Variants in SCFD2 observed in about 807,000 individuals in gnomAD.
The protein encoded by SCFD2 is sec1 family domain containing 2, also known as sec1 family domain-containing protein 2.
A neutral mutation model predicts 58.9 loss-of-function variants in SCFD2; 54 were observed. That is an observed-to-expected ratio of 0.92 (90% CI 0.74 to 1.15). The LOEUF (loss-of-function observed/expected upper bound fraction) is 1.15, where lower values mean the gene tolerates loss of function less well. Ranked by LOEUF, SCFD2 falls within the 50% of genes most tolerant of loss-of-function variation. The probability of loss-of-function intolerance (pLI) is 0.00; values close to 1 mark genes in which losing one functional copy is unlikely to be tolerated. For synonymous variants in SCFD2, 321 were observed against 335.9 expected (o/e 0.96, Z 0.49); for missense variants, 805 against 836.6 (o/e 0.96, Z 0.47).
At chr4:52,922,091 G>A (rs1222117755) in intron 5 of SCFD2, among the ~76,000 whole-genome samples, 3 of 151,988 alleles carry the variant, frequency 2.0e-5, no homozygotes, top group Non-Finnish European at 4.4e-5. Flanking sequence ...ACTGTGCTTT[G>A]GGATATCTTT....
At chr4:53,320,262 A>G (rs1465942762) in intron 2 of SCFD2, among the ~76,000 whole-genome samples, 1 of 152,258 alleles carries the variant, frequency 6.6e-6, no homozygotes, top group Non-Finnish European at 1.5e-5. Flanking sequence ...TCTGTAAAAT[A>G]AAAGGCTTGA....
At chr4:52,916,080 C>A (rs962835846) in intron 6 of SCFD2, among the ~76,000 whole-genome samples, 5 of 152,210 alleles carry the variant, frequency 3.3e-5, no homozygotes, top group African/African-American at 1.2e-4. Flanking sequence ...AAGATGCATG[C>A]CAAGGCAAGC....
At chr4:53,110,765 G>T (rs1205458728) in intron 5 of SCFD2, among the ~76,000 whole-genome samples, 1 of 152,206 alleles carries the variant, frequency 6.6e-6, no homozygotes, top group Non-Finnish European at 1.5e-5. Flanking sequence ...GATCCATTGT[G>T]GAAGACAGTG....
intron 8 of SCFD2, among the ~76,000 whole-genome samples, chr4:52,882,592 C>T (rs143570919): frequency 3.1e-4 from 47 of 152,264 alleles, no homozygotes; most frequent in South Asian, 2.5e-3. Flanking sequence ...CCAGAATAAA[C>T]GCAGGCAGAA....
At chr4:53,214,839 A>T (rs1371294602) in intron 4 of SCFD2, among the ~76,000 whole-genome samples, 1 of 152,150 alleles carries the variant, frequency 6.6e-6, no homozygotes, top group African/African-American at 2.4e-5. Flanking sequence ...ATAAGATGTA[A>T]GGAAGGGATC....
At chr4:53,302,838 C>A (rs985480631) in intron 3 of SCFD2, among the ~76,000 whole-genome samples, 1 of 152,150 alleles carries the variant, frequency 6.6e-6, no homozygotes, top group African/African-American at 2.4e-5. Flanking sequence ...CTGACAAAAA[C>A]AAGCAATGGG....
intron 5 of SCFD2, among the ~76,000 whole-genome samples, chr4:53,078,590 T>C (rs1431010489): frequency 2.0e-5 from 3 of 152,198 alleles, no homozygotes; most frequent in Non-Finnish European, 4.4e-5. Context: ...AGTAATGTTC[T>C]AAGTGGTTCA....
At chr4:53,247,988 T>A (rs1401882861) in intron 4 of SCFD2, among the ~76,000 whole-genome samples, 5 of 152,100 alleles carry the variant, frequency 3.3e-5, no homozygotes, top group Non-Finnish European at 5.9e-5. Flanking sequence ...AGGCAGGTGA[T>A]TTCTGCATTT....
intron 5 of SCFD2, among the ~76,000 whole-genome samples, chr4:52,923,654 C>CTATG (rs1348326783): frequency 6.6e-6 from 1 of 152,018 alleles, no homozygotes; most frequent in Non-Finnish European, 1.5e-5. Flanking sequence ...TCCTGGAATT[C>CTATG]TATGCCAAGC....
At chr4:52,936,581 G>A (rs1052490782) in intron 5 of SCFD2, among the ~76,000 whole-genome samples, 3 of 152,116 alleles carry the variant, frequency 2.0e-5, no homozygotes, top group South Asian at 2.1e-4. Flanking sequence ...AAGTCTGTCT[G>A]CCAACTCAGT....
At chr4:52,936,230 G>C (rs1186349526) in intron 5 of SCFD2, among the ~76,000 whole-genome samples, 2 of 152,076 alleles carry the variant, frequency 1.3e-5, no homozygotes, top group African/African-American at 4.8e-5. Flanking sequence ...TTTATTGCTG[G>C]GTACCTGGAT....
At chr4:53,196,693 T>C (rs752264398) in intron 4 of SCFD2, among the ~76,000 whole-genome samples, 12 of 152,172 alleles carry the variant, frequency 7.9e-5, no homozygotes, top group Non-Finnish European at 1.6e-4. Flanking sequence ...AAAATATGCA[T>C]TGGCAAAAGA....
At chr4:53,298,682 G>A (rs1732145542) in intron 3 of SCFD2, among the ~76,000 whole-genome samples, 1 of 152,172 alleles carries the variant, frequency 6.6e-6, no homozygotes, top group Non-Finnish European at 1.5e-5. Context: ...TAGCCTAACT[G>A]GGAGGCACCC....
intron 4 of SCFD2, among the ~76,000 whole-genome samples, chr4:53,185,071 G>C (rs1465118632): frequency 6.6e-6 from 1 of 152,130 alleles, no homozygotes; most frequent in Non-Finnish European, 1.5e-5. Context: ...ACTGATAAGA[G>C]AGAAAAATAT....
intron 5 of SCFD2, chr4:52,956,552 T>A: frequency 4.1e-6 from 1 of 246,060 alleles, no homozygotes; most frequent in Non-Finnish European, 8.1e-6. Flanking sequence ...CTCCTGCAGA[T>A]TGGTGCCTTC....
intron 4 of SCFD2, among the ~76,000 whole-genome samples, chr4:53,263,977 T>C (rs778904492): frequency 6.6e-6 from 1 of 152,188 alleles, no homozygotes; most frequent in Non-Finnish European, 1.5e-5. Flanking sequence ...CTGCAGCTAC[T>C]GTGGGAGATG....
At chr4:52,976,174 TA>T (rs897372843) in intron 5 of SCFD2, among the ~76,000 whole-genome samples, 28 of 151,974 alleles carry the variant, frequency 1.8e-4, no homozygotes, top group South Asian at 6.2e-4. Flanking sequence ...AAAGTATATA[TA>T]AAAAAAATTG....
intron 4 of SCFD2, among the ~76,000 whole-genome samples, chr4:53,211,964 A>C (rs548310780): frequency 6.6e-6 from 1 of 152,102 alleles, no homozygotes; most frequent in Non-Finnish European, 1.5e-5. Flanking sequence ...CAAAACTACC[A>C]GCTAAAGAGT....
chr4:52,909,613 T>C (rs896756476), intron 6 of SCFD2, among the ~76,000 whole-genome samples: 6 of 151,920 alleles, frequency 3.9e-5, no homozygotes, highest in African/African-American at 1.5e-4. Flanking sequence ...TTGTATTGTT[T>C]ATTTATTTAT....
Sources: gnomAD v4.1 joint callset for allele counts (sites outside exome capture counted in the v4.1 genomes callset) on GRCh38, gnomAD v4.1.1 for gene constraint, MANE v1.5 for transcripts, NCBI Gene and HGNC (gene_info 2026-07-23, HGNC 2026-07-21) for gene names.